Variants in KY observed in about 807,000 individuals in gnomAD.
KY encodes kyphoscoliosis peptidase.
KY carries 43 observed loss-of-function variants against 76.1 expected under a neutral mutation model. The observed-to-expected ratio is 0.57, with a 90% CI of 0.44 to 0.73. The LOEUF is 0.73. KY is among the 30% of genes least tolerant of loss of function. The pLI is 0.00. For synonymous variants in KY, 277 were observed against 326.2 expected (o/e 0.85, Z 1.63); for missense variants, 722 against 828.9 (o/e 0.87, Z 1.58).
intron 7 of KY, among the ~76,000 whole-genome samples, chr3:134,619,469 G>A (rs1577665538): frequency 6.6e-6 from 1 of 152,208 alleles, no homozygotes; most frequent in African/African-American, 2.4e-5. Flanking sequence ...CTTGGCAGAG[G>A]GGGCCACCTG....
intron 10 of KY, chr3:134,606,936 G>C (rs1959285413): frequency 1.0e-6 from 1 of 984,414 alleles, no homozygotes; most frequent in African/African-American, 1.8e-5. Context: ...TCCCTATTTT[G>C]TTTCCTTCCC....
At chr3:134,606,764 A>G (rs1226831223) in intron 10 of KY, among the ~76,000 whole-genome samples, 1 of 151,824 alleles carries the variant, frequency 6.6e-6, no homozygotes, top group Non-Finnish European at 1.5e-5. Context: ...ATAAAGGACT[A>G]GCCACCCCTG....
intron 8 of KY, chr3:134,615,427 A>T (rs576058327): frequency 9.5e-5 from 14 of 147,328 alleles, no homozygotes; most frequent in African/African-American, 3.5e-4. Context: ...CATATTCCTC[A>T]TAGCTGACAT....
chr3:134,608,400 G>A (rs930401688), intron 10 of KY: 7 of 1,458,760 alleles, frequency 4.8e-6, no homozygotes, highest in South Asian at 1.2e-5. Flanking sequence ...ATCCCTTTCT[G>A]GGTTTATGCT....
chr3:134,634,788 G>C (rs1964707203), intron 3 of KY, among the ~76,000 whole-genome samples: 3 of 152,236 alleles, frequency 2.0e-5, no homozygotes, highest in African/African-American at 4.8e-5. Flanking sequence ...GGTTTCTGCA[G>C]GGACGACTGT....
rs1382046475 is a variant in KY, at chr3:134,600,868, T to C, written c.*2711A>G. On this transcript the variant is annotated 3_prime_UTR_variant, in exon 11 of 11. Coordinates refer to ENST00000423778, the MANE Select transcript of KY (RefSeq NM_178554.6). The stretch of plus-strand genomic sequence containing the variant: ...TTGTGCGTGACAAAGATGTCCTCCG[T>C]GTACACATAAGGTAGCGCTGAGAAG... 6.6e-6 allele frequency: 1 copy of C among 152,256 alleles called. No individual in the cohort carries two copies. The highest frequency in any genetic ancestry group is 2.4e-5 in the African/African-American group (1 of 41,452). 9.4% of individuals were successfully genotyped at this position (152,256 alleles called of 1,614,324 possible).
chr3:134,642,386 C>T (rs1965873272), intron 3 of KY, among the ~76,000 whole-genome samples: 1 of 152,184 alleles, frequency 6.6e-6, no homozygotes, highest in Non-Finnish European at 1.5e-5. Flanking sequence ...TATGGCTGAG[C>T]CTGTGAGAAT....
intron 3 of KY, among the ~76,000 whole-genome samples, chr3:134,642,152 C>T (rs1350050793): frequency 6.6e-6 from 1 of 152,170 alleles, no homozygotes; most frequent in Non-Finnish European, 1.5e-5. Flanking sequence ...TGCTGGTAAT[C>T]CCAGTTGGCT....
chr3:134,635,620 G>C (rs1454065446), intron 3 of KY, among the ~76,000 whole-genome samples: 1 of 152,112 alleles, frequency 6.6e-6, no homozygotes, highest in Non-Finnish European at 1.5e-5. Context: ...TTCCGATGGT[G>C]GTGTATTCTG....
intron 3 of KY, among the ~76,000 whole-genome samples, chr3:134,640,888 G>A (rs904077956): frequency 1.1e-4 from 16 of 152,134 alleles, no homozygotes; most frequent in African/African-American, 3.9e-4. Context: ...TGCCCCCTCT[G>A]TTTATTCTCT....
intron 8 of KY, among the ~76,000 whole-genome samples, chr3:134,616,738 G>A (rs1961629560): frequency 1.3e-5 from 2 of 152,188 alleles, no homozygotes; most frequent in Admixed American, 1.3e-4. Flanking sequence ...TTTCACTCAA[G>A]GCAAGTGTCA....
At position 134,601,003 on chromosome 3, in the gene KY, C is replaced by T. The variant is rs1411113236; in HGVS notation, c.*2576G>A. ...CTCGCGGTGTGCAGCGCCGGCAGCT[C>T]CGCACTTCGGACACCTGGGGGCGCC... is the stretch of plus-strand genomic sequence containing the variant. On this transcript the variant is annotated 3_prime_UTR_variant, in exon 11 of 11. Coordinates refer to ENST00000423778, the MANE Select transcript of KY (RefSeq NM_178554.6). 2 of 152,220 alleles carry T rather than the reference C, an allele frequency of 1.3e-5. No homozygotes were observed. Among genetic ancestry groups the T allele is most frequent in the Admixed American group, 1.3e-4 (2 of 15,280 alleles). 9.4% of individuals were successfully genotyped at this position (152,220 alleles called of 1,614,324 possible).
At chr3:134,645,102 T>C (rs74401066) in intron 2 of KY, among the ~76,000 whole-genome samples, 2,730 of 152,322 alleles carry the variant, frequency 0.018, 113 homozygotes, top group South Asian at 0.11. Context: ...GGCTGCACAA[T>C]TGGTTTCCCT....
chr3:134,601,070 C>T lies in KY; in HGVS notation c.*2509G>A, dbSNP rs1958942018. On this transcript the variant is annotated 3_prime_UTR_variant, in exon 11 of 11. Coordinates refer to ENST00000423778, the MANE Select transcript of KY (RefSeq NM_178554.6). ...CGACTGGGACTCGTCGCCCGGGAAA[C>T]AAAGATGGGGATTTAAAGAAAAGCC... The T allele has an allele frequency of 6.6e-6, 1 of 152,316 alleles. No homozygotes were observed. The highest frequency in any genetic ancestry group is 2.4e-5 in the African/African-American group (1 of 41,564). The allele number at this position is 152,316 out of a possible 1,614,324, so 9.4% of individuals were successfully genotyped here.
chr3:134,644,117 G>T (rs1006290964), intron 2 of KY, among the ~76,000 whole-genome samples: 1 of 152,154 alleles, frequency 6.6e-6, no homozygotes, highest in South Asian at 2.1e-4. Context: ...GAGCCACCGC[G>T]CCCGGCCGAG....
chr3:134,624,150 A>G (rs1403447960), intron 6 of KY, among the ~76,000 whole-genome samples: 4 of 152,012 alleles, frequency 2.6e-5, no homozygotes, highest in Admixed American at 6.6e-5. Flanking sequence ...CCAGGAGTCA[A>G]TCCAGCTATC....
Position 134,643,396 on chromosome 3 carries a change from A to G in KY, c.200-18T>C, listed in dbSNP as rs1384886426. On this transcript the variant is annotated intron_variant, in intron 2 of 10. Transcript: ENST00000423778. ...CAAGTTTTCTATTTAAGGAAGACAG[A>G]GAGGCCTGCAGTGACCACTGGGGAA... 6.2e-7 allele frequency: 1 copy of G among 1,610,358 alleles called. No homozygotes were observed. Among genetic ancestry groups the G allele is most frequent in the Non-Finnish European group, 8.5e-7 (1 of 1,176,820 alleles).
intron 10 of KY, chr3:134,608,348 G>A: frequency 7.6e-7 from 1 of 1,316,232 alleles, no homozygotes; most frequent in Non-Finnish European, 9.9e-7. Flanking sequence ...CAGGCTGTGT[G>A]TTCAGCCTTC....
chr3:134,635,411 C>T (rs565316903), intron 3 of KY, among the ~76,000 whole-genome samples: 11 of 144,540 alleles, frequency 7.6e-5, no homozygotes, highest in East Asian at 2.3e-4. Context: ...GCAGGAGAAT[C>T]GCTTGGACCT....
Sources: gnomAD v4.1 joint callset for allele counts (sites outside exome capture counted in the v4.1 genomes callset) on GRCh38, gnomAD v4.1.1 for gene constraint, MANE v1.5 for transcripts, NCBI Gene and HGNC (gene_info 2026-07-23, HGNC 2026-07-21) for gene names.